Variants in PTPRT observed in about 807,000 individuals in gnomAD.
PTPRT encodes the protein protein tyrosine phosphatase receptor type T.
Under a neutral mutation model 176.8 loss-of-function variants are expected in PTPRT, and 56 were observed. The ratio of observed to expected loss-of-function variants is 0.32; its 90% CI spans 0.26 to 0.40. PTPRT has a LOEUF of 0.40. Ranked by LOEUF, PTPRT falls within the 10% of genes least tolerant of loss-of-function variation. The pLI, the probability that PTPRT is intolerant of heterozygous loss-of-function variation, is 1.00. For missense variants in PTPRT, 1,540 were observed against 1,908.2 expected, an observed-to-expected ratio of 0.81 and a Z score of 3.60; for synonymous variants, 783 against 739.0, an observed-to-expected ratio of 1.06 and a Z score of -0.96.
At chr20:42,712,518 T>C (rs1774152093) in intron 6 of PTPRT, among the ~76,000 whole-genome samples, 1 of 152,152 alleles carries the variant, frequency 6.6e-6, no homozygotes, top group Admixed American at 6.5e-5. Context: ...GCTAAACAGT[T>C]AGGATACCCA....
At chr20:43,058,299 C>A (rs767363016) in intron 1 of PTPRT, among the ~76,000 whole-genome samples, 1 of 149,914 alleles carries the variant, frequency 6.7e-6, no homozygotes, top group Non-Finnish European at 1.5e-5. Flanking sequence ...TGAGAGAGAT[C>A]GGGTGAAAGA....
chr20:42,668,930 T>A (rs2075366888), intron 7 of PTPRT, among the ~76,000 whole-genome samples: 1 of 146,720 alleles, frequency 6.8e-6, no homozygotes, highest in South Asian at 2.2e-4. Context: ...CAGGATGGTC[T>A]CGATCTCCTG....
chr20:43,100,380 A>T (rs967778575), intron 1 of PTPRT, among the ~76,000 whole-genome samples: 3 of 152,028 alleles, frequency 2.0e-5, no homozygotes, highest in Admixed American at 6.6e-5. Flanking sequence ...GTCTCAATTT[A>T]AAAAAAAGAA....
At chr20:42,569,808 A>G (rs1568985204) in intron 7 of PTPRT, among the ~76,000 whole-genome samples, 2 of 152,176 alleles carry the variant, frequency 1.3e-5, no homozygotes, top group Non-Finnish European at 1.5e-5. Context: ...TTCCCCCAAG[A>G]AGACGTTTAT....
chr20:43,077,158 G>T (rs1258414114), intron 1 of PTPRT, among the ~76,000 whole-genome samples: 1 of 152,138 alleles, frequency 6.6e-6, no homozygotes, highest in Non-Finnish European at 1.5e-5. Context: ...AAACAGATTT[G>T]GGTCAAGAAA....
At chr20:42,322,279 CA>C (rs1321205674) in intron 11 of PTPRT, among the ~76,000 whole-genome samples, 1 of 150,228 alleles carries the variant, frequency 6.7e-6, no homozygotes, top group East Asian at 1.9e-4. Context: ...CATATGGAAC[CA>C]AAAAAGAGCC....
chr20:42,648,839 GAC>G (rs2074972365), intron 7 of PTPRT, among the ~76,000 whole-genome samples: 1 of 42,976 alleles, frequency 2.3e-5, no homozygotes, highest in Non-Finnish European at 4.2e-5. Flanking sequence ...TTTTTTTTTT[GAC>G]AGAGTCTGGC....
At chr20:42,086,726 CAAAAAAAAAA>C (rs367948746) in intron 27 of PTPRT, among the ~76,000 whole-genome samples, 25,272 of 82,174 alleles carry the variant, frequency 0.31, 5,440 homozygotes, top group Non-Finnish European at 0.34. Flanking sequence ...GACTCCATCT[CAAAAAAAAAA>C]AAAAAAAAAA....
At chr20:42,101,557 T>C (rs370918933) in intron 26 of PTPRT, among the ~76,000 whole-genome samples, 26 of 152,282 alleles carry the variant, frequency 1.7e-4, no homozygotes, top group African/African-American at 6.0e-4. Flanking sequence ...TGGGGGGCAG[T>C]GGCCCTCACA....
chr20:42,639,360 C>T (rs1360092510), intron 7 of PTPRT, among the ~76,000 whole-genome samples: 2 of 152,060 alleles, frequency 1.3e-5, no homozygotes, highest in African/African-American at 4.8e-5. Context: ...CCCTGTTTTC[C>T]TCGTGGTAAA....
At chr20:42,319,708 G>T (rs779730553) in intron 11 of PTPRT, among the ~76,000 whole-genome samples, 4 of 152,154 alleles carry the variant, frequency 2.6e-5, no homozygotes, top group Non-Finnish European at 5.9e-5. Context: ...AAAGGGTGGG[G>T]GAAAGAAACA....
intron 11 of PTPRT, among the ~76,000 whole-genome samples, chr20:42,324,034 A>T (rs1315021555): frequency 6.6e-6 from 1 of 152,212 alleles, no homozygotes; most frequent in Non-Finnish European, 1.5e-5. Context: ...TCCAAAAGAA[A>T]TAAGACATTT....
chr20:43,149,242 A>G (rs2014267162), intron 1 of PTPRT, among the ~76,000 whole-genome samples: 1 of 152,224 alleles, frequency 6.6e-6, no homozygotes, highest in Non-Finnish European at 1.5e-5. Flanking sequence ...TTATGTTTTA[A>G]TAAAGCAAAA....
intron 1 of PTPRT, among the ~76,000 whole-genome samples, chr20:42,993,876 A>G (rs1357791697): frequency 6.6e-6 from 1 of 151,970 alleles, no homozygotes; most frequent in Admixed American, 6.5e-5. Flanking sequence ...GAAATAACCA[A>G]TTTATGCGAG....
intron 16 of PTPRT, among the ~76,000 whole-genome samples, chr20:42,166,071 C>T (rs1424559207): frequency 6.6e-6 from 1 of 152,164 alleles, no homozygotes; most frequent in Non-Finnish European, 1.5e-5. Flanking sequence ...TTTACACTTA[C>T]AGCACATTTC....
intron 18 of PTPRT, among the ~76,000 whole-genome samples, chr20:42,138,356 C>T (rs1051755740): frequency 6.6e-5 from 10 of 152,200 alleles, no homozygotes; most frequent in African/African-American, 2.4e-4. Flanking sequence ...GGGTGGCTGC[C>T]TTGCCACCAA....
intron 2 of PTPRT, among the ~76,000 whole-genome samples, chr20:42,877,861 G>T (rs1476230845): frequency 6.6e-6 from 1 of 152,150 alleles, no homozygotes; most frequent in Admixed American, 6.5e-5. Flanking sequence ...CTAAAGCCCA[G>T]GGAGTACCTA....
Position 42,633,811 on chromosome 20 carries a change from AT to A in PTPRT, c.1153+44054del, listed in dbSNP as rs1316331880. On this transcript the variant is annotated intron_variant, in intron 7 of 30. Transcript: ENST00000373187. ...TATATATATATATATATATATATAT[AT>A]ATATATAATAAAATATTAATATATT... 4.1e-3 allele frequency among the ~76,000 whole-genome samples: 395 copies of A among 96,308 alleles called. 12 individuals are homozygous for A. The highest frequency in any genetic ancestry group is 7.8e-3 in the Middle Eastern group (2 of 256). The allele number at this position is 96,308 out of a possible 152,430, so 63.2% of individuals were successfully genotyped here.
rs539094419 is a variant in PTPRT, at chr20:42,884,522, G to T, written c.214+1285C>A. ...TGACATGGCAGCTGGGCAGTGGGTT[G>T]TGTAGGTGTAAAATTCCTGAGACAT... On this transcript the variant is annotated intron_variant, in intron 2 of 30. Coordinates refer to ENST00000373187, the MANE Select transcript of PTPRT (RefSeq NM_007050.6). Among the ~76,000 whole-genome samples, 3 of 152,288 alleles carry T rather than the reference G, an allele frequency of 2.0e-5. No homozygotes were observed. The South Asian group carries it at 6.2e-4, about 32-fold the overall frequency.
Sources: gnomAD v4.1 joint callset for allele counts (sites outside exome capture counted in the v4.1 genomes callset) on GRCh38, gnomAD v4.1.1 for gene constraint, MANE v1.5 for transcripts, NCBI Gene and HGNC (gene_info 2026-07-23, HGNC 2026-07-21) for gene names.